The following CAMTA1 variants were observed in gnomAD, a reference collection of about 807,000 sequenced individuals.
CAMTA1 encodes the protein calmodulin binding transcription activator 1, also known as calmodulin-binding transcription activator 1.
Under a neutral mutation model 170.9 loss-of-function variants are expected in CAMTA1, and 27 were observed. The ratio of observed to expected loss-of-function variants is 0.16; its 90% CI spans 0.12 to 0.22. The LOEUF is 0.22. CAMTA1 is among the 10% of genes least tolerant of loss of function. The pLI is 1.00. For synonymous variants in CAMTA1, 833 were observed against 891.5 expected (o/e 0.93, Z 1.17); for missense variants, 1,619 against 2,217.2 (o/e 0.73, Z 5.42).
intron 6 of CAMTA1, among the ~76,000 whole-genome samples, chr1:7,541,940 A>ACTGCTTCCTCGGCGTTCCTCC (rs1238111602): frequency 2.0e-5 from 3 of 152,114 alleles, no homozygotes; most frequent in African/African-American, 4.8e-5. Flanking sequence ...CATGTTTCTC[A>ACTGCTTCCTCGGCGTTCCTCC]CTGCTTCCTC....
chr1:7,745,443 T>A (rs2096850371), intron 17 of CAMTA1, among the ~76,000 whole-genome samples: 1 of 152,072 alleles, frequency 6.6e-6, no homozygotes, highest in Admixed American at 6.5e-5. Flanking sequence ...GGAGAATTGC[T>A]TGAACCCAAG....
chr1:7,507,728 T>C (rs1292365449), intron 6 of CAMTA1, among the ~76,000 whole-genome samples: 1 of 152,184 alleles, frequency 6.6e-6, no homozygotes, highest in Non-Finnish European at 1.5e-5. Context: ...CTGGCAACTT[T>C]GGGGCCCACG....
At chr1:7,121,833 C>T (rs1025204031) in intron 4 of CAMTA1, among the ~76,000 whole-genome samples, 5 of 152,106 alleles carry the variant, frequency 3.3e-5, no homozygotes, top group African/African-American at 1.2e-4. Context: ...GGGGGTGCCA[C>T]GTGGCTCTTT....
rs553853501 is a variant in CAMTA1, at chr1:7,157,935, G to A, written c.302+66564G>A. On this transcript the variant is annotated intron_variant, in intron 4 of 22. Transcript: ENST00000303635. Reference sequence around the variant, plus strand: ...AGCACTTTGGGAGGCCGAGGAGGGCGGATCACGAGGTCAGGAGATCGAGAC... The same window carrying A: ...AGCACTTTGGGAGGCCGAGGAGGGCAGATCACGAGGTCAGGAGATCGAGAC... Among the ~76,000 whole-genome samples, 109 of 152,196 alleles carry A rather than the reference G, an allele frequency of 7.2e-4. 1 individual carries two copies. The highest frequency in any genetic ancestry group is 2.5e-3 in the African/African-American group (104 of 41,518).
rs1175933807 is a variant in CAMTA1, at chr1:7,766,682, T to C, written c.*191T>C. 2 of 518,234 alleles carry C rather than the reference T, an allele frequency of 3.9e-6. No homozygotes were observed. Among genetic ancestry groups the C allele is most frequent in the Non-Finnish European group, 6.9e-6 (2 of 289,218 alleles). 32.1% of individuals were successfully genotyped at this position (518,234 alleles called of 1,614,324 possible). On this transcript the variant is annotated 3_prime_UTR_variant, in exon 23 of 23. Transcript: ENST00000303635. ...GATTTTAACAGGAATGTTTTGGTCA[T>C]TGCATTTGCACTTTCATGGACAACT...
At chr1:6,817,453 CT>C (rs1297655770) in intron 1 of CAMTA1, among the ~76,000 whole-genome samples, 1 of 152,180 alleles carries the variant, frequency 6.6e-6, no homozygotes, top group African/African-American at 2.4e-5. Context: ...GTGCTGCTGA[CT>C]TTTCCCCTAT....
chr1:7,352,509 G>C (rs1345244379), intron 5 of CAMTA1, among the ~76,000 whole-genome samples: 1 of 152,196 alleles, frequency 6.6e-6, no homozygotes, highest in Non-Finnish European at 1.5e-5. Context: ...CCAGCTCCAG[G>C]CTGTGTGTGG....
At chr1:7,203,131 T>C (rs1440004391) in intron 4 of CAMTA1, among the ~76,000 whole-genome samples, 1 of 152,212 alleles carries the variant, frequency 6.6e-6, no homozygotes, top group East Asian at 1.9e-4. Flanking sequence ...AGTCTATTGA[T>C]TGATATGATG....
rs1441210572 is a variant in CAMTA1 at position 7,482,943 on chromosome 1, GC to G, written c.510+15046del. Among the ~76,000 whole-genome samples, 1 of 152,086 alleles carries G rather than the reference GC, an allele frequency of 6.6e-6. No individual in the cohort carries two copies. Among genetic ancestry groups the G allele is most frequent in the Non-Finnish European group, 1.5e-5 (1 of 68,024 alleles). On this transcript the variant is annotated intron_variant, in intron 6 of 22. Coordinates refer to ENST00000303635, the MANE Select transcript of CAMTA1 (RefSeq NM_015215.4). The surrounding 1 kb of genome is among the most constrained non-coding windows in gnomAD (Gnocchi z 4.2). ...TGATGTGAGCTGTAAATGTGCCCAG[GC>G]CCCACCCCATGTCATCCCAGGGTGA...
chr1:6,996,374 A>G (rs1035793501), intron 3 of CAMTA1, among the ~76,000 whole-genome samples: 2 of 151,590 alleles, frequency 1.3e-5, no homozygotes, highest in Non-Finnish European at 2.9e-5. Flanking sequence ...TCAAACTATA[A>G]ACTCTGTCTT....
At chr1:7,183,228 T>C (rs775381780) in intron 4 of CAMTA1, among the ~76,000 whole-genome samples, 10 of 152,056 alleles carry the variant, frequency 6.6e-5, no homozygotes, top group Non-Finnish European at 1.2e-4. Flanking sequence ...GGAGGTGTCA[T>C]GTACCTTTTA....
At position 7,596,381 on chromosome 1, in the gene CAMTA1, T is replaced by C. The variant is rs552447463; in HGVS notation, c.511-44019T>C. On this transcript the variant is annotated intron_variant, in intron 6 of 22. Transcript: ENST00000303635. The stretch of plus-strand genomic sequence containing the variant: ...AAGGGATCAGCTCAGAAGATATAGT[T>C]TGACTCAGGCTTCTTGGCCCCGAAT... Among the ~76,000 whole-genome samples the C allele has an allele frequency of 7.8e-4, 119 of 152,344 alleles. 1 individual carries two copies. Among genetic ancestry groups the C allele is most frequent in the African/African-American group, 2.8e-3 (117 of 41,580 alleles).
At chr1:6,940,929 A>AGGGGGGTCCTCACGGGG (rs1491340105) in intron 3 of CAMTA1, among the ~76,000 whole-genome samples, 1 of 7,304 alleles carries the variant, frequency 1.4e-4, no homozygotes, top group Non-Finnish European at 3.2e-4. Flanking sequence ...CCTCACAGGG[A>AGGGGGGTCCTCACGGGG]AAGGGGATCC....
At chr1:7,658,264 G>C (rs2095922689) in intron 7 of CAMTA1, among the ~76,000 whole-genome samples, 1 of 152,224 alleles carries the variant, frequency 6.6e-6, no homozygotes, top group Non-Finnish European at 1.5e-5. Context: ...GATGAGCTCT[G>C]CAGGGCTTTC....
intron 5 of CAMTA1, among the ~76,000 whole-genome samples, chr1:7,398,183 C>CATATA (rs2089524285): frequency 2.2e-5 from 1 of 45,220 alleles, no homozygotes; most frequent in African/African-American, 8.8e-5. Flanking sequence ...CTCTCTCTCT[C>CATATA]TCTCTCTCTC....
chr1:6,824,044 T>C (rs1352087371), intron 2 of CAMTA1, among the ~76,000 whole-genome samples: 1 of 152,168 alleles, frequency 6.6e-6, no homozygotes, highest in Non-Finnish European at 1.5e-5. Context: ...GACTCTTGAC[T>C]CTGAGTTCAG....
At chr1:7,540,202 T>C (rs1034595841) in intron 6 of CAMTA1, among the ~76,000 whole-genome samples, 1 of 152,074 alleles carries the variant, frequency 6.6e-6, no homozygotes, top group Non-Finnish European at 1.5e-5. Flanking sequence ...TGCGACTCAA[T>C]GAATAATTAA....
intron 3 of CAMTA1, among the ~76,000 whole-genome samples, chr1:7,048,702 G>C (rs926209066): frequency 1.3e-5 from 2 of 152,192 alleles, no homozygotes; most frequent in African/African-American, 4.8e-5. Flanking sequence ...CTTCTCAGCT[G>C]GTCTTGAGTC....
chr1:6,804,695 T>C (rs1644309748), intron 1 of CAMTA1, among the ~76,000 whole-genome samples: 1 of 152,150 alleles, frequency 6.6e-6, no homozygotes, highest in Non-Finnish European at 1.5e-5. Flanking sequence ...GTACTGTTAC[T>C]TCATCCCTTT....
Sources: allele counts gnomAD v4.1 joint callset (sites outside exome capture counted in the v4.1 genomes callset), GRCh38; gene constraint gnomAD v4.1.1; non-coding constraint Gnocchi (gnomAD v3.1); transcripts MANE v1.5; gene names NCBI Gene and HGNC (gene_info 2026-07-23, HGNC 2026-07-21).